KCNMB2: variants seen among roughly 807,000 people sequenced by gnomAD.
The protein encoded by KCNMB2 is calcium-activated potassium channel subunit beta-2.
In KCNMB2, 9 loss-of-function variants were observed where a neutral mutation model predicts 24.5. The ratio of observed to expected loss-of-function variants is 0.37; its 90% CI spans 0.22 to 0.64. KCNMB2 has a LOEUF of 0.64. KCNMB2 is among the 30% of genes least tolerant of loss of function. The pLI is 0.63. For missense variants in KCNMB2, 226 were observed against 284.3 expected (o/e 0.79, Z 1.47); for synonymous variants, 109 against 104.4 (o/e 1.04, Z -0.27).
At chr3:178,553,223 G>A (rs933389141) in intron 1 of KCNMB2, among the ~76,000 whole-genome samples, 7 of 152,156 alleles carry the variant, frequency 4.6e-5, no homozygotes, top group Non-Finnish European at 1.0e-4. Context: ...ATGTGAGGAA[G>A]GAAACAGATT....
chr3:178,844,001 C>T lies in KCNMB2; in HGVS notation c.*1064C>T, dbSNP rs1412196702. Reference sequence around the variant, plus strand: ...GTTTTATTTTTCTATTTATAATTCCCTTTTTTGTTGTTATATTTTATACAC... The same window carrying T: ...GTTTTATTTTTCTATTTATAATTCCTTTTTTTGTTGTTATATTTTATACAC... On this transcript the variant is annotated 3_prime_UTR_variant, in exon 5 of 5. Coordinates refer to ENST00000452583, the MANE Select transcript of KCNMB2 (RefSeq NM_181361.3). 6.6e-6 allele frequency: 1 copy of T among 152,422 alleles called. No individual in the cohort carries two copies. The highest frequency in any genetic ancestry group is 1.5e-5 in the Non-Finnish European group (1 of 67,958). The allele number at this position is 152,422 out of a possible 1,614,324, so 9.4% of individuals were successfully genotyped here.
rs543549967 is a variant in KCNMB2, at chr3:178,757,818, T to C, written c.-67-49525T>C. Among the ~76,000 whole-genome samples the C allele has an allele frequency of 8.6e-5, 10 of 116,498 alleles. 1 individual carries two copies. In the East Asian group the frequency reaches 1.5e-3, roughly 18 times the overall value. The allele number at this position is 116,498 out of a possible 152,430, so 76.4% of individuals were successfully genotyped here. ...TCTTATATCCATCCAAGAGGATATA[T>C]ATATACACATCCATCCAAGAGGATA... On this transcript the variant is annotated intron_variant, in intron 1 of 4. Coordinates refer to ENST00000452583, the MANE Select transcript of KCNMB2 (RefSeq NM_181361.3).
rs1444515223 is a variant in KCNMB2 at position 178,843,605 on chromosome 3, C to T, written c.*668C>T. 6.0e-6 allele frequency: 1 copy of T among 166,084 alleles called. No individual in the cohort carries two copies. The highest frequency in any genetic ancestry group is 2.4e-5 in the African/African-American group (1 of 41,458). The allele number at this position is 166,084 out of a possible 1,614,324, so 10.3% of individuals were successfully genotyped here. On this transcript the variant is annotated 3_prime_UTR_variant, in exon 5 of 5. Coordinates refer to ENST00000452583, the MANE Select transcript of KCNMB2 (RefSeq NM_181361.3). ...TGATTTATGTAGAAAATGAACACACCCCTTTTCCATTTAAGACCCTGCTAC... is the reference window on the plus strand; with the variant it reads ...TGATTTATGTAGAAAATGAACACACTCCTTTTCCATTTAAGACCCTGCTAC...
intron 1 of KCNMB2, among the ~76,000 whole-genome samples, chr3:178,653,986 C>A (rs916169277): frequency 6.6e-6 from 1 of 152,004 alleles, no homozygotes. Context: ...CCATTTCTTG[C>A]AAGTTTGAGT....
intron 1 of KCNMB2, among the ~76,000 whole-genome samples, chr3:178,675,876 T>C (rs971506813): frequency 6.6e-6 from 1 of 152,164 alleles, no homozygotes; most frequent in Non-Finnish European, 1.5e-5. Context: ...GCAATAACCT[T>C]AATAATATCA....
chr3:178,751,681 G>A (rs943572940), intron 1 of KCNMB2, among the ~76,000 whole-genome samples: 5 of 151,284 alleles, frequency 3.3e-5, no homozygotes, highest in African/African-American at 7.3e-5. Context: ...AGGTACAATA[G>A]GGAAGAGGGA....
At chr3:178,643,620 T>C (rs1292162455) in intron 1 of KCNMB2, among the ~76,000 whole-genome samples, 2 of 152,154 alleles carry the variant, frequency 1.3e-5, no homozygotes, top group Non-Finnish European at 1.5e-5. Context: ...AAAAGATAAG[T>C]TCACTGCTCT....
At chr3:178,687,598 T>A (rs1361353955) in intron 1 of KCNMB2, among the ~76,000 whole-genome samples, 1 of 152,212 alleles carries the variant, frequency 6.6e-6, no homozygotes, top group Admixed American at 6.5e-5. Context: ...AGACAGAGTT[T>A]CAAAATTGTG....
chr3:178,657,432 T>C (rs1437987410), intron 1 of KCNMB2, among the ~76,000 whole-genome samples: 3 of 152,220 alleles, frequency 2.0e-5, no homozygotes, highest in Admixed American at 6.5e-5. Flanking sequence ...CTATGTGACC[T>C]TGTTCAAGCT....
At chr3:178,786,610 G>T (rs887064266) in intron 1 of KCNMB2, among the ~76,000 whole-genome samples, 1 of 152,006 alleles carries the variant, frequency 6.6e-6, no homozygotes, top group African/African-American at 2.4e-5. Flanking sequence ...GACTTTACTA[G>T]ATTTGCCATG....
chr3:178,614,904 T>C (rs1016460236), intron 1 of KCNMB2, among the ~76,000 whole-genome samples: 6 of 152,234 alleles, frequency 3.9e-5, no homozygotes, highest in Non-Finnish European at 7.3e-5. Flanking sequence ...TTATTTGTAG[T>C]TGTCCTTCTT....
intron 1 of KCNMB2, among the ~76,000 whole-genome samples, chr3:178,652,464 T>TA (rs35122415): frequency 0.23 from 34,779 of 150,160 alleles, 4,162 homozygotes; most frequent in Middle Eastern, 0.45. Context: ...CTTGAAGTAT[T>TA]AAAAAAAAAA....
intron 1 of KCNMB2, among the ~76,000 whole-genome samples, chr3:178,681,409 C>T (rs571035425): frequency 2.0e-5 from 3 of 152,196 alleles, no homozygotes; most frequent in African/African-American, 4.8e-5. Context: ...TTATTAATGG[C>T]CCCCCAAAAA....
intron 2 of KCNMB2, among the ~76,000 whole-genome samples, chr3:178,819,376 G>C (rs1201595477): frequency 6.6e-6 from 1 of 152,000 alleles, no homozygotes; most frequent in Non-Finnish European, 1.5e-5. Flanking sequence ...GCCAGATTTA[G>C]GGCCTTCAGA....
chr3:178,551,797 C>T (rs1715961949), intron 1 of KCNMB2, among the ~76,000 whole-genome samples: 1 of 152,196 alleles, frequency 6.6e-6, no homozygotes, highest in Non-Finnish European at 1.5e-5. Context: ...GCTCAGAAAG[C>T]ATGATCAGCT....
intron 1 of KCNMB2, among the ~76,000 whole-genome samples, chr3:178,789,851 G>A (rs1011014485): frequency 1.3e-5 from 2 of 152,070 alleles, no homozygotes; most frequent in Non-Finnish European, 2.9e-5. Flanking sequence ...CAATTCCTGA[G>A]CAAGTCCTGA....
intron 1 of KCNMB2, among the ~76,000 whole-genome samples, chr3:178,726,391 T>C (rs527356035): frequency 6.6e-6 from 1 of 152,122 alleles, no homozygotes; most frequent in East Asian, 1.9e-4. Flanking sequence ...ATTTGTGATG[T>C]TCTGAGTTTC....
chr3:178,620,363 T>C (rs563887780), intron 1 of KCNMB2, among the ~76,000 whole-genome samples: 15 of 152,314 alleles, frequency 9.8e-5, no homozygotes, highest in Admixed American at 2.0e-4. Flanking sequence ...GAGAAAAAGT[T>C]ATATACAGGA....
intron 1 of KCNMB2, among the ~76,000 whole-genome samples, chr3:178,726,889 A>T (rs1722983482): frequency 1.3e-5 from 2 of 152,032 alleles, no homozygotes. Context: ...TTGAAAAGAT[A>T]TATTGTCTCT....
Sources: allele counts gnomAD v4.1 joint callset (sites outside exome capture counted in the v4.1 genomes callset), GRCh38; gene constraint gnomAD v4.1.1; transcripts MANE v1.5; gene names NCBI Gene and HGNC (gene_info 2026-07-23, HGNC 2026-07-21).